The following NTN1 variants were observed in gnomAD, a reference collection of about 807,000 sequenced individuals.
NTN1 encodes netrin 1, also known as netrin-1.
A neutral mutation model predicts 54.2 loss-of-function variants in NTN1; 11 were observed. The ratio of observed to expected loss-of-function variants is 0.20; its 90% CI spans 0.13 to 0.34. NTN1 has a LOEUF of 0.34. Among genes scored for constraint, NTN1 ranks in the 10% least tolerant of loss-of-function variants. The pLI is 1.00. For synonymous variants in NTN1, 371 were observed against 382.0 expected, an observed-to-expected ratio of 0.97 and a Z score of 0.33; for missense variants, 740 against 893.1, an observed-to-expected ratio of 0.83 and a Z score of 2.18.
At chr17:9,040,812 G>GT (rs1368239367) in intron 2 of NTN1, among the ~76,000 whole-genome samples, 4 of 150,446 alleles carry the variant, frequency 2.7e-5, no homozygotes, top group South Asian at 2.1e-4. Flanking sequence ...TTTTTTGTTT[G>GT]TTTTTTTGTT....
chr17:9,038,113 G>T (rs947502113), intron 2 of NTN1, among the ~76,000 whole-genome samples: 1 of 152,040 alleles, frequency 6.6e-6, no homozygotes, highest in African/African-American at 2.4e-5. Context: ...GACTCCCTAG[G>T]TTCCTTCAAG....
chr17:9,078,736 G>C (rs2142222243), intron 2 of NTN1, among the ~76,000 whole-genome samples: 1 of 152,294 alleles, frequency 6.6e-6, no homozygotes, highest in African/African-American at 2.4e-5. Flanking sequence ...ACCATCCCTG[G>C]AATGTCCCCA....
Position 9,212,283 on chromosome 17 carries a change from G to A in NTN1, c.1412-8885G>A. On this transcript the variant is annotated intron_variant, in intron 5 of 6. Coordinates refer to ENST00000173229, the MANE Select transcript of NTN1 (RefSeq NM_004822.3). The surrounding 1 kb of genome is among the most constrained non-coding windows in gnomAD (Gnocchi z 5.5). ...GGTGGGGCAAGTCACGAAGTCACCT[G>A]CAGCCTAGGACCAAGAGGTGAGAGC... Among the ~76,000 whole-genome samples, 1 of 152,154 alleles carries A rather than the reference G, an allele frequency of 6.6e-6. No individual in the cohort carries two copies. Among genetic ancestry groups the A allele is most frequent in the East Asian group, 1.9e-4 (1 of 5,180 alleles).
chr17:9,151,591 G>C (rs559597430), intron 2 of NTN1, among the ~76,000 whole-genome samples: 22 of 152,314 alleles, frequency 1.4e-4, no homozygotes, highest in Admixed American at 1.4e-3. Context: ...AGGGTGGACA[G>C]AAATTCTGTT....
intron 2 of NTN1, among the ~76,000 whole-genome samples, chr17:9,057,854 T>C (rs1203038278): frequency 6.6e-6 from 1 of 152,230 alleles, no homozygotes; most frequent in Non-Finnish European, 1.5e-5. Context: ...GCCAGTTCAT[T>C]TTTAAAATTT....
At chr17:9,010,039 T>C in the NTN1 span, among the ~76,000 whole-genome samples, 2 of 152,190 alleles carry the variant, frequency 1.3e-5, no homozygotes, top group Non-Finnish European at 2.9e-5. Flanking sequence ...TGGGAATTTT[T>C]GGTGGTTGCA....
chr17:9,225,968 G>A (rs1000079571), intron 6 of NTN1, among the ~76,000 whole-genome samples: 3 of 152,184 alleles, frequency 2.0e-5, no homozygotes, highest in East Asian at 3.9e-4. Context: ...GCTGAAGAGC[G>A]CGGGTCTGGG....
intron 2 of NTN1, among the ~76,000 whole-genome samples, chr17:9,132,356 ACTC>A (rs998792343): frequency 6.6e-6 from 1 of 151,656 alleles, no homozygotes; most frequent in Non-Finnish European, 1.5e-5. Flanking sequence ...ATCCTGGAAA[ACTC>A]CTATGCATCT....
intron 2 of NTN1, among the ~76,000 whole-genome samples, chr17:9,091,099 C>G (rs1288921294): frequency 6.6e-6 from 1 of 152,202 alleles, no homozygotes; most frequent in Non-Finnish European, 1.5e-5. Flanking sequence ...TACAATAACA[C>G]CTCATTTATT....
chr17:9,062,796 T>C (rs756174377), intron 2 of NTN1, among the ~76,000 whole-genome samples: 8 of 152,212 alleles, frequency 5.3e-5, no homozygotes, highest in Non-Finnish European at 7.3e-5. Flanking sequence ...GATGGGGTGC[T>C]CTGACACCCA....
At chr17:9,162,579 G>C (rs953152251) in intron 2 of NTN1, among the ~76,000 whole-genome samples, 7 of 152,328 alleles carry the variant, frequency 4.6e-5, no homozygotes, top group Non-Finnish European at 8.8e-5. Context: ...GGGGGTCACG[G>C]CTTCAACATA....
intron 2 of NTN1, among the ~76,000 whole-genome samples, chr17:9,119,394 G>A (rs1445537513): frequency 6.6e-6 from 1 of 152,020 alleles, no homozygotes; most frequent in Non-Finnish European, 1.5e-5. Context: ...CACCATGTTG[G>A]CCAGGCTGGT....
chr17:9,237,646 C>T (rs558615560), intron 6 of NTN1, among the ~76,000 whole-genome samples: 20 of 152,256 alleles, frequency 1.3e-4, no homozygotes, highest in Non-Finnish European at 2.2e-4. Context: ...ACAAGGGGTC[C>T]GAGGTGTCCA....
chr17:9,182,936 A>G lies in NTN1; in HGVS notation c.1378A>G (p.Thr460Ala). The G allele has an allele frequency of 1.2e-6, 2 of 1,613,878 alleles. No homozygotes were observed. Among genetic ancestry groups the G allele is most frequent in the Non-Finnish European group, 1.7e-6 (2 of 1,179,950 alleles). ...CAAAGAGATCCCTGTAGCGCCGCCG[A>G]CGACTGCAGCCAGCAGCGTGGAGGA... The part of the protein sequence containing the change: ...PCIKIPVAPP[T>A]TAASSVEEPE... The change falls in exon 5 of 7, where the codon ACG (threonine) becomes GCG (alanine). Residue 460 changes from threonine (T) to alanine (A), a missense_variant. Transcript: ENST00000173229.
At chr17:9,154,936 A>G (rs1381118038) in intron 2 of NTN1, among the ~76,000 whole-genome samples, 1 of 152,056 alleles carries the variant, frequency 6.6e-6, no homozygotes, top group East Asian at 1.9e-4. Context: ...TCATGTCCCA[A>G]CTGGGTTCTT....
intron 5 of NTN1, among the ~76,000 whole-genome samples, chr17:9,186,173 T>G (rs2092432446): frequency 6.6e-6 from 1 of 151,824 alleles, no homozygotes; most frequent in African/African-American, 2.4e-5. Context: ...ATCTGCCACT[T>G]CCCTTGGTGT....
chr17:9,204,097 C>T (rs16958037), intron 5 of NTN1, among the ~76,000 whole-genome samples: 6,152 of 152,104 alleles, frequency 0.04, 237 homozygotes, highest in East Asian at 0.17. Context: ...GTCCTAGGAT[C>T]GGTGATGAGG....
At chr17:9,080,178 G>C (rs939093930) in intron 2 of NTN1, among the ~76,000 whole-genome samples, 2 of 152,258 alleles carry the variant, frequency 1.3e-5, no homozygotes, top group African/African-American at 4.8e-5. Flanking sequence ...GTTGAAATTT[G>C]TAACTGAGGT....
chr17:9,211,672 A>T lies in NTN1; in HGVS notation c.1412-9496A>T, dbSNP rs1170694843. Reference sequence around the variant, plus strand: ...CACGCTCGGGAAAGTTCATATTTTAATCTGTGCCCCAGCCATATCGTGTGA... The same window carrying T: ...CACGCTCGGGAAAGTTCATATTTTATTCTGTGCCCCAGCCATATCGTGTGA... On this transcript the variant is annotated intron_variant, in intron 5 of 6. Transcript: ENST00000173229. This position sits in a 1 kb window ranked among gnomAD's most constrained non-coding sequence, Gnocchi z 4.4. Among the ~76,000 whole-genome samples, 1 of 152,106 alleles carries T rather than the reference A, an allele frequency of 6.6e-6. No individual in the cohort carries two copies. Among genetic ancestry groups the T allele is most frequent in the African/African-American group, 2.4e-5 (1 of 41,416 alleles).
Sources: gnomAD v4.1 joint callset for allele counts (sites outside exome capture counted in the v4.1 genomes callset) on GRCh38, gnomAD v4.1.1 for gene constraint, Gnocchi (gnomAD v3.1) non-coding constraint, MANE v1.5 for transcripts, NCBI Gene and HGNC (gene_info 2026-07-23, HGNC 2026-07-21) for gene names.